DCX: variants seen among roughly 807,000 people sequenced by gnomAD.
DCX encodes the protein neuronal migration protein doublecortin.
DCX carries 4 observed loss-of-function variants against 20.9 expected under a neutral mutation model. The ratio of observed to expected loss-of-function variants is 0.19; its 90% CI spans 0.09 to 0.44. The LOEUF is 0.44. DCX is among the 20% of genes least tolerant of loss of function. The pLI is 0.99. For synonymous variants in DCX, 103 were observed against 111.4 expected, an observed-to-expected ratio of 0.92 and a Z score of 0.47; for missense variants, 133 against 296.9, an observed-to-expected ratio of 0.45 and a Z score of 4.06.
chrX:111,302,787 C>T (rs2095036867), intron 6 of DCX, among the ~76,000 whole-genome samples: 1 of 111,606 alleles, frequency 9.0e-6, no homozygotes, highest in African/African-American at 3.3e-5. Context: ...TGATTTTATT[C>T]ATTTCTGAAT....
intron 3 of DCX, among the ~76,000 whole-genome samples, chrX:111,392,396 G>A (rs188512127): frequency 1.2e-3 from 137 of 111,162 alleles, no homozygotes; most frequent in African/African-American, 4.3e-3. Context: ...CAACCCAAAT[G>A]TTCATCAACA....
At chrX:111,365,634 C>A (rs927339251) in intron 3 of DCX, among the ~76,000 whole-genome samples, 21 of 109,163 alleles carry the variant, frequency 1.9e-4, no homozygotes, top group African/African-American at 6.7e-4. Context: ...CCCCCACTAC[C>A]CTTAACAGCC....
intron 3 of DCX, among the ~76,000 whole-genome samples, chrX:111,367,846 C>T (rs1470900597): frequency 1.8e-5 from 2 of 111,559 alleles, no homozygotes; most frequent in Non-Finnish European, 3.8e-5. Context: ...TTTGTTAGCC[C>T]CCAACCTCTT....
chrX:111,343,348 T>C (rs1015129075), intron 3 of DCX, among the ~76,000 whole-genome samples: 1 of 106,571 alleles, frequency 9.4e-6, no homozygotes, highest in African/African-American at 3.4e-5. Context: ...CTTGGATACA[T>C]ACACCCTCCC....
chrX:111,365,182 A>T (rs1924518681), intron 3 of DCX, among the ~76,000 whole-genome samples: 2 of 109,729 alleles, frequency 1.8e-5, no homozygotes, highest in African/African-American at 6.6e-5. Flanking sequence ...CACCTCCCAA[A>T]GTGCTGGGAT....
intron 3 of DCX, among the ~76,000 whole-genome samples, chrX:111,381,972 AT>A (rs1389239751): frequency 1.8e-5 from 2 of 111,695 alleles, no homozygotes; most frequent in African/African-American, 3.2e-5. Flanking sequence ...CCTGTACCTT[AT>A]TTTGAATATT....
intron 3 of DCX, among the ~76,000 whole-genome samples, chrX:111,334,581 T>C (rs1353975549): frequency 1.8e-5 from 2 of 112,308 alleles, no homozygotes; most frequent in Admixed American, 9.4e-5. Flanking sequence ...TCATTACTAT[T>C]TTAGGCTTGA....
intron 3 of DCX, among the ~76,000 whole-genome samples, chrX:111,381,092 T>G (rs1432555911): frequency 9.0e-6 from 1 of 110,744 alleles, no homozygotes; most frequent in African/African-American, 3.3e-5. Context: ...TCTTAAAAAT[T>G]TTTAAATGGT....
In DCX at chrX:111,385,118, C is replaced by A. The variant is rs142571667; in HGVS notation, c.705+15872G>T. Among the ~76,000 whole-genome samples the A allele has an allele frequency of 5.0e-3, 557 of 112,480 alleles. 2 individuals are homozygous for A. Among genetic ancestry groups the A allele is most frequent in the Admixed American group, 7.6e-3 (81 of 10,689 alleles). On this transcript the variant is annotated intron_variant, in intron 3 of 6. Transcript: ENST00000636035. ...AAACATCAACTCTTCTCTGCGTCTCCAGCCTGCTGGCCTGCCCTGGATTTG... is the reference window on the plus strand; with the variant it reads ...AAACATCAACTCTTCTCTGCGTCTCAAGCCTGCTGGCCTGCCCTGGATTTG...
chrX:111,381,500 A>G (rs954472223), intron 3 of DCX, among the ~76,000 whole-genome samples: 1 of 110,747 alleles, frequency 9.0e-6, no homozygotes, highest in Non-Finnish European at 1.9e-5. Flanking sequence ...GGCTGACATG[A>G]AAAAATGCAG....
chrX:111,381,762 G>C (rs1925988412), intron 3 of DCX, among the ~76,000 whole-genome samples: 1 of 111,464 alleles, frequency 9.0e-6, no homozygotes, highest in Non-Finnish European at 1.9e-5. Context: ...CACTTACGCT[G>C]AATATTAGGC....
In DCX at chrX:111,398,521, G is replaced by T. The variant is rs143459590; in HGVS notation, c.705+2469C>A. ...TACAGAGGTACAGATGCCTGAAAGG[G>T]CATGGTTCAGATCCACTGGGCACCA... On this transcript the variant is annotated intron_variant, in intron 3 of 6. Transcript: ENST00000636035. Among the ~76,000 whole-genome samples, 225 of 111,404 alleles carry T rather than the reference G, an allele frequency of 2.0e-3. 1 individual carries two copies. The highest frequency in any genetic ancestry group is 7.0e-3 in the African/African-American group (215 of 30,662).
chrX:111,376,518 G>A (rs1460544232), intron 3 of DCX, among the ~76,000 whole-genome samples: 1 of 111,999 alleles, frequency 8.9e-6, no homozygotes, highest in African/African-American at 3.2e-5. Context: ...ATAACTAGCT[G>A]ACCACTGGGG....
intron 3 of DCX, among the ~76,000 whole-genome samples, chrX:111,384,793 A>C (rs1926252526): frequency 8.9e-6 from 1 of 112,539 alleles, no homozygotes; most frequent in Admixed American, 9.4e-5. Context: ...GAAGCAGCTT[A>C]AGATTGGCTA....
At chrX:111,311,814 A>C (rs2095058302) in intron 6 of DCX, among the ~76,000 whole-genome samples, 1 of 112,581 alleles carries the variant, frequency 8.9e-6, no homozygotes, top group Admixed American at 9.4e-5. Context: ...GCAGTTAGTC[A>C]TATTGGTGGC....
chrX:111,384,250 G>T (rs951582189), intron 3 of DCX, among the ~76,000 whole-genome samples: 1 of 111,292 alleles, frequency 9.0e-6, no homozygotes, highest in African/African-American at 3.3e-5. Context: ...TCCTCCATTA[G>T]AAGGCCTTCA....
At chrX:111,326,645 C>T (rs2095100249) in intron 5 of DCX, among the ~76,000 whole-genome samples, 1 of 111,462 alleles carries the variant, frequency 9.0e-6, no homozygotes, top group Non-Finnish European at 1.9e-5. Flanking sequence ...CAGTTCTGCC[C>T]GGTGAAAATG....
At chrX:111,321,757 G>T (rs996937773) in intron 5 of DCX, among the ~76,000 whole-genome samples, 11 of 111,960 alleles carry the variant, frequency 9.8e-5, no homozygotes, top group Non-Finnish European at 1.9e-4. Context: ...AAGCAACTGA[G>T]TACAAGTTGG....
chrX:111,341,551 TCA>T (rs1922239250), intron 3 of DCX, among the ~76,000 whole-genome samples: 3 of 110,219 alleles, frequency 2.7e-5, no homozygotes, highest in Non-Finnish European at 3.8e-5. Context: ...CATGAGAAGA[TCA>T]ACCCCAAGAC....
Sources: gnomAD v4.1 joint callset for allele counts (sites outside exome capture counted in the v4.1 genomes callset) on GRCh38, gnomAD v4.1.1 for gene constraint, MANE v1.5 for transcripts, NCBI Gene and HGNC (gene_info 2026-07-23, HGNC 2026-07-21) for gene names.